Variants in NPAS3 observed in about 807,000 individuals in gnomAD.
NPAS3 encodes the protein neuronal PAS domain protein 3.
NPAS3 carries 14 observed loss-of-function variants against 73.1 expected under a neutral mutation model. That is an observed-to-expected ratio of 0.19 (90% CI 0.13 to 0.30). The LOEUF is 0.30. Ranked by LOEUF, NPAS3 falls within the 10% of genes least tolerant of loss-of-function variation. The pLI, the probability that NPAS3 is intolerant of heterozygous loss-of-function variation, is 1.00. For synonymous variants in NPAS3, 620 were observed against 541.5 expected, an observed-to-expected ratio of 1.14 and a Z score of -2.01; for missense variants, 1,096 against 1,250.0, an observed-to-expected ratio of 0.88 and a Z score of 1.86.
chr14:33,459,097 T>C (rs1232641401), intron 4 of NPAS3, among the ~76,000 whole-genome samples: 1 of 152,218 alleles, frequency 6.6e-6, no homozygotes, highest in African/African-American at 2.4e-5. Flanking sequence ...GACGTTGCCA[T>C]GGCATTTGTA....
chr14:33,137,800 T>C (rs1304881019), intron 2 of NPAS3, among the ~76,000 whole-genome samples: 2 of 152,204 alleles, frequency 1.3e-5, no homozygotes, highest in African/African-American at 4.8e-5. Context: ...CTAGAGCTAT[T>C]TGGCTAACAT....
chr14:33,482,635 G>A (rs1009754847), intron 4 of NPAS3, among the ~76,000 whole-genome samples: 1 of 152,036 alleles, frequency 6.6e-6, no homozygotes, highest in Non-Finnish European at 1.5e-5. Context: ...CCACCTCAGA[G>A]CCTCCCTCTC....
intron 3 of NPAS3, among the ~76,000 whole-genome samples, chr14:33,363,226 C>T (rs1329353629): frequency 2.6e-5 from 4 of 152,160 alleles, no homozygotes; most frequent in Admixed American, 2.6e-4. Context: ...AGGAATATGA[C>T]TGGGAGGGCC....
intron 1 of NPAS3, among the ~76,000 whole-genome samples, chr14:32,980,743 T>G (rs1440017435): frequency 6.6e-6 from 1 of 152,120 alleles, no homozygotes; most frequent in African/African-American, 2.4e-5. Flanking sequence ...GGAAGAAGAT[T>G]TAATGCTTGC....
At chr14:33,319,158 G>C (rs1038529120) in intron 3 of NPAS3, among the ~76,000 whole-genome samples, 1 of 149,882 alleles carries the variant, frequency 6.7e-6, no homozygotes, top group Admixed American at 6.6e-5. Flanking sequence ...TCATAATAGA[G>C]GTCTCTGGGT....
intron 9 of NPAS3, among the ~76,000 whole-genome samples, chr14:33,782,814 G>GT (rs57849305): frequency 2.0e-4 from 30 of 149,608 alleles, no homozygotes; most frequent in African/African-American, 4.4e-4. Context: ...CTTGGGGGTT[G>GT]TTTTTTTTTA....
At chr14:33,492,484 C>G (rs754531538) in intron 4 of NPAS3, among the ~76,000 whole-genome samples, 1 of 152,110 alleles carries the variant, frequency 6.6e-6, no homozygotes, top group Non-Finnish European at 1.5e-5. Flanking sequence ...TTCTCTCATG[C>G]AAAGAGGAGA....
At chr14:33,785,032 G>A (rs560232901) in intron 9 of NPAS3, among the ~76,000 whole-genome samples, 46 of 151,958 alleles carry the variant, frequency 3.0e-4, no homozygotes, top group Non-Finnish European at 5.3e-4. Context: ...TTACAGGCAT[G>A]AGCCACTGCG....
intron 5 of NPAS3, among the ~76,000 whole-genome samples, chr14:33,643,024 C>G (rs1047621846): frequency 6.6e-6 from 1 of 152,034 alleles, no homozygotes; most frequent in South Asian, 2.1e-4. Flanking sequence ...TCGCAATAAT[C>G]TTCATATAAG....
chr14:33,065,195 C>G lies in NPAS3; in HGVS notation c.140+9201C>G, dbSNP rs143285232. Among the ~76,000 whole-genome samples, 512 of 152,234 alleles carry G rather than the reference C, an allele frequency of 3.4e-3. 1 individual carries two copies. Among genetic ancestry groups the G allele is most frequent in the African/African-American group, 0.011 (473 of 41,540 alleles). Reference sequence around the variant, plus strand: ...TTTATTTTTATCTAGACATAGTACACATTTAAATGTGGAAATAGTTTTGCA... The same window carrying G: ...TTTATTTTTATCTAGACATAGTACAGATTTAAATGTGGAAATAGTTTTGCA... On this transcript the variant is annotated intron_variant, in intron 2 of 11. Transcript: ENST00000356141.
chr14:33,368,072 G>A (rs1014616524), intron 4 of NPAS3, among the ~76,000 whole-genome samples: 1 of 151,902 alleles, frequency 6.6e-6, no homozygotes, highest in Non-Finnish European at 1.5e-5. Context: ...ACATAGAATT[G>A]GAGAAGCAGA....
intron 5 of NPAS3, among the ~76,000 whole-genome samples, chr14:33,575,502 T>C (rs2056398776): frequency 6.6e-6 from 1 of 152,202 alleles, no homozygotes; most frequent in Non-Finnish European, 1.5e-5. Flanking sequence ...CTGTGAGTGC[T>C]GAGGCTCCCA....
chr14:33,727,291 T>A (rs534675465), intron 6 of NPAS3, among the ~76,000 whole-genome samples: 2 of 152,306 alleles, frequency 1.3e-5, no homozygotes, highest in South Asian at 4.1e-4. Context: ...ATTGCAACCA[T>A]AATTTTTTCT....
chr14:33,775,602 C>T (rs7141023), intron 8 of NPAS3, among the ~76,000 whole-genome samples: 75,615 of 151,970 alleles, frequency 0.5, 19,046 homozygotes, highest in Admixed American at 0.58. Flanking sequence ...ATAATTCACC[C>T]TGGGAAAAGA....
At position 33,710,652 on chromosome 14, in the gene NPAS3, G is replaced by A. The variant is rs182730918; in HGVS notation, c.734-24562G>A. Reference sequence around the variant, plus strand: ...AGACACATCCAGACAGTGGGTCCCCGGAGAAAGGAAAAAGGAGTGCCCCAA... The same window carrying A: ...AGACACATCCAGACAGTGGGTCCCCAGAGAAAGGAAAAAGGAGTGCCCCAA... On this transcript the variant is annotated intron_variant, in intron 6 of 11. Transcript: ENST00000356141. 2.8e-4 allele frequency among the ~76,000 whole-genome samples: 43 copies of A among 152,224 alleles called. No individual in the cohort carries two copies. In the South Asian group the frequency reaches 3.5e-3, roughly 12 times the overall value.
intron 4 of NPAS3, among the ~76,000 whole-genome samples, chr14:33,495,878 C>G (rs2139858344): frequency 6.6e-6 from 1 of 151,718 alleles, no homozygotes. Flanking sequence ...GACAGAGACC[C>G]AAAAATCCCT....
intron 2 of NPAS3, among the ~76,000 whole-genome samples, chr14:33,173,370 C>T (rs1199112002): frequency 6.6e-6 from 1 of 151,942 alleles, no homozygotes; most frequent in Non-Finnish European, 1.5e-5. Flanking sequence ...TGATCATAGC[C>T]TTAAAGCCAA....
At chr14:33,543,094 G>A (rs900896247) in intron 4 of NPAS3, among the ~76,000 whole-genome samples, 2 of 152,158 alleles carry the variant, frequency 1.3e-5, no homozygotes, top group African/African-American at 2.4e-5. Flanking sequence ...CTAAGGGAAC[G>A]CATGCTGATG....
At chr14:33,410,277 T>A (rs1594856880) in intron 4 of NPAS3, among the ~76,000 whole-genome samples, 1 of 152,280 alleles carries the variant, frequency 6.6e-6, no homozygotes, top group African/African-American at 2.4e-5. Context: ...TTAGATGGAA[T>A]GCAATACATT....
Sources: allele counts gnomAD v4.1 joint callset (sites outside exome capture counted in the v4.1 genomes callset), GRCh38; gene constraint gnomAD v4.1.1; transcripts MANE v1.5; gene names NCBI Gene and HGNC (gene_info 2026-07-23, HGNC 2026-07-21).